Variants in VPS13B observed in about 807,000 individuals in gnomAD.
VPS13B encodes vacuolar protein sorting 13 homolog B.
In VPS13B, 285 loss-of-function variants were observed where a neutral mutation model predicts 426.4. The ratio of observed to expected loss-of-function variants is 0.67; its 90% CI spans 0.61 to 0.74. VPS13B has a LOEUF of 0.74. VPS13B is among the 30% of genes least tolerant of loss of function. VPS13B has a pLI of 0.00. For missense variants in VPS13B, 4,537 were observed against 4,782.6 expected (o/e 0.95, Z 1.51); for synonymous variants, 1,676 against 1,676.4 (o/e 1.00, Z 0.01).
chr8:99,586,047 C>T (rs979188979), intron 33 of VPS13B, among the ~76,000 whole-genome samples: 5 of 152,194 alleles, frequency 3.3e-5, no homozygotes, highest in Non-Finnish European at 7.3e-5. Context: ...CCTTCTTGCA[C>T]TCCCCACTCC....
chr8:99,807,676 T>TC (rs1563925791), intron 43 of VPS13B, among the ~76,000 whole-genome samples: 6 of 147,148 alleles, frequency 4.1e-5, no homozygotes, highest in African/African-American at 1.6e-4. Flanking sequence ...CCAGGGTGTG[T>TC]TTGTGTGTGT....
rs772545976 is a variant in VPS13B, at chr8:99,614,448, T to G, written c.5221-27363T>G. Among the ~76,000 whole-genome samples, 100 of 152,182 alleles carry G rather than the reference T, an allele frequency of 6.6e-4. 1 individual carries two copies. Among genetic ancestry groups the G allele is most frequent in the Non-Finnish European group, 9.4e-4 (64 of 68,014 alleles). On this transcript the variant is annotated intron_variant, in intron 33 of 61. Coordinates refer to ENST00000357162, the MANE Select transcript of VPS13B (RefSeq NM_152564.5). ...ATATGCCACCACACCCGGCTAATTT[T>G]GTATTTTTAAGAGAGATGGGGTTTC...
rs766186639 is a variant in VPS13B at position 99,467,608 on chromosome 8, C to T, written c.3640C>T (p.Leu1214=). Residue 1214 remains leucine (L), a synonymous_variant, in exon 24 of 62, where the codon CTA becomes TTA. Coordinates refer to ENST00000357162, the MANE Select transcript of VPS13B (RefSeq NM_152564.5). Reference sequence around the variant, plus strand: ...CTGTCTCCATGTTGACCTAGAGTCACTAGAGATAAAATGCTCTAATCCCCA... The same window carrying T: ...CTGTCTCCATGTTGACCTAGAGTCATTAGAGATAAAATGCTCTAATCCCCA... ...VVCLHVDLES[L]EIKCSNPQVQ... The T allele has an allele frequency of 6.2e-7, 1 of 1,611,508 alleles. No individual in the cohort carries two copies. The highest frequency in any genetic ancestry group is 8.5e-7 in the Non-Finnish European group (1 of 1,179,760).
chr8:99,377,269 G>C (rs1355065541), intron 19 of VPS13B, among the ~76,000 whole-genome samples: 1 of 151,632 alleles, frequency 6.6e-6, no homozygotes, highest in Non-Finnish European at 1.5e-5. Flanking sequence ...AAACCATATT[G>C]TCTCTTCCCC....
intron 36 of VPS13B, among the ~76,000 whole-genome samples, chr8:99,715,421 C>T (rs1832871943): frequency 6.6e-6 from 1 of 152,090 alleles, no homozygotes; most frequent in African/African-American, 2.4e-5. Context: ...TCAGGTATCT[C>T]TTCTTTGATG....
intron 44 of VPS13B, among the ~76,000 whole-genome samples, chr8:99,814,749 C>CCAAA (rs1563487292): frequency 6.6e-6 from 1 of 152,078 alleles, no homozygotes; most frequent in Admixed American, 6.6e-5. Flanking sequence ...TGATACCTAA[C>CCAAA]CAAATCAAGT....
At position 99,819,950 on chromosome 8, in the gene VPS13B, C is replaced by A; in HGVS notation, c.8822C>A (p.Pro2941Gln). The change falls in exon 49 of 62, where the codon CCA becomes CAA. Residue 2941 changes from proline to glutamine, a missense_variant. Pro to Gln is a moderately conservative substitution (Grantham distance 76). Around this residue, in one of 2 missense-constraint regions of VPS13B, gnomAD observed 4,311 missense variants for 4,474.3 expected, o/e 0.96. Transcript: ENST00000357162. ...RNEQLSQWDSPMRVKLSIWKP... is the reference protein window; with the variant it reads ...RNEQLSQWDSQMRVKLSIWKP... ...GAACAGCTAAGTCAGTGGGATAGCCCAATGCGAGTGAAGCTGTCAATCTGG... is the reference window on the plus strand; with the variant it reads ...GAACAGCTAAGTCAGTGGGATAGCCAAATGCGAGTGAAGCTGTCAATCTGG... 1 of 1,613,928 alleles carries A rather than the reference C, an allele frequency of 6.2e-7. No homozygotes were observed. Among genetic ancestry groups the A allele is most frequent in the South Asian group, 1.1e-5 (1 of 91,076 alleles).
chr8:99,328,918 A>G (rs1388134566), intron 19 of VPS13B, among the ~76,000 whole-genome samples: 1 of 152,088 alleles, frequency 6.6e-6, no homozygotes, highest in Admixed American at 6.6e-5. Context: ...AATCTTTGTA[A>G]GTTTGACATT....
chr8:99,690,276 C>T (rs1831596861), intron 35 of VPS13B, among the ~76,000 whole-genome samples: 1 of 152,086 alleles, frequency 6.6e-6, no homozygotes, highest in Non-Finnish European at 1.5e-5. Context: ...GAACCCCTAC[C>T]TCATACAGTA....
At position 99,642,188 on chromosome 8, in the gene VPS13B, T is replaced by G; in HGVS notation, c.5598T>G (p.Cys1866Trp). 1 of 1,614,188 alleles carries G rather than the reference T, an allele frequency of 6.2e-7. No homozygotes were observed. Among genetic ancestry groups the G allele is most frequent in the Non-Finnish European group, 8.5e-7 (1 of 1,180,022 alleles). Residue 1866 changes from cysteine to tryptophan, a missense_variant, in exon 34 of 62, where the codon TGT (cysteine) becomes TGG (tryptophan). Physicochemically the swap from Cys to Trp is radical, Grantham distance 215 (BLOSUM62 -2). This residue lies in a region of VPS13B where 4,311 missense variants were observed against 4,474.3 expected (regional missense o/e 0.96). Transcript: ENST00000357162. The part of the protein sequence containing the change: ...DSDVAKPNQA[C>W]ISTVTAEDLL... ...ATGTTGCTAAGCCCAACCAGGCATG[T>G]ATTTCCACGGTGACAGCAGAAGATC...
intron 17 of VPS13B, among the ~76,000 whole-genome samples, chr8:99,223,330 GA>G (rs1031983963): frequency 4.9e-4 from 74 of 151,976 alleles, no homozygotes; most frequent in African/African-American, 1.7e-3. Context: ...TAAATTTAAA[GA>G]AAAAATATTA....
chr8:99,503,077 T>C (rs1821324826), intron 27 of VPS13B, 127 bp downstream of exon 27: 3 of 669,956 alleles, frequency 4.5e-6, no homozygotes, highest in Non-Finnish European at 7.7e-6. Context: ...CTCGGACATA[T>C]TGAGAGTTTG....
At chr8:99,444,138 G>A (rs144553113) in intron 23 of VPS13B, among the ~76,000 whole-genome samples, 253 of 150,324 alleles carry the variant, frequency 1.7e-3, no homozygotes, top group African/African-American at 5.8e-3. Flanking sequence ...TTGCTCTGTC[G>A]CCTGGGCTGG....
intron 55 of VPS13B, among the ~76,000 whole-genome samples, chr8:99,852,625 G>A (rs1816348820): frequency 6.6e-6 from 1 of 152,184 alleles, no homozygotes; most frequent in Admixed American, 6.5e-5. Context: ...TAGCCAAATG[G>A]AAGTCACTGA....
intron 3 of VPS13B, among the ~76,000 whole-genome samples, chr8:99,072,258 G>T (rs2132336934): frequency 6.6e-6 from 1 of 152,280 alleles, no homozygotes; most frequent in Middle Eastern, 3.4e-3. Flanking sequence ...TACTGCTGGT[G>T]TTTATCCACT....
At chr8:99,762,605 C>G (rs1488279281) in intron 39 of VPS13B, among the ~76,000 whole-genome samples, 1 of 152,148 alleles carries the variant, frequency 6.6e-6, no homozygotes, top group East Asian at 1.9e-4. Context: ...AAGTCCAACC[C>G]ATTATTAAGA....
At chr8:99,384,387 G>A in intron 20 of VPS13B, 70 bp downstream of exon 20, 1 of 1,208,348 alleles carries the variant, frequency 8.3e-7, no homozygotes, top group Non-Finnish European at 1.2e-6. Context: ...AATTATATAT[G>A]TCTTTTGATG....
Position 99,817,537 on chromosome 8 carries a change from T to G in VPS13B, c.8098-3T>G. The G allele has an allele frequency of 6.2e-7, 1 of 1,613,982 alleles. No homozygotes were observed. The highest frequency in any genetic ancestry group is 8.5e-7 in the Non-Finnish European group (1 of 1,179,918). ...AAGCCTTATATACTTAACTGTCTTT[T>G]AGATTATCATCTGTGGAAGACAGAT... On this transcript the variant is annotated splice_region_variant and splice_polypyrimidine_tract_variant and intron_variant, in intron 44 of 61. Coordinates refer to ENST00000357162, the MANE Select transcript of VPS13B (RefSeq NM_152564.5).
chr8:99,677,154 A>C (rs1057038503), intron 35 of VPS13B, among the ~76,000 whole-genome samples: 28 of 152,166 alleles, frequency 1.8e-4, no homozygotes, highest in Non-Finnish European at 1.2e-4. Context: ...TTAATAATTT[A>C]TTTCTGTTCA....
Sources: gnomAD v4.1 joint callset for allele counts (sites outside exome capture counted in the v4.1 genomes callset) on GRCh38, gnomAD v4.1.1 for gene constraint, gnomAD v4.1.1 regional missense constraint, MANE v1.5 for transcripts, NCBI Gene and HGNC (gene_info 2026-07-23, HGNC 2026-07-21) for gene names.